RPS3: variants seen among roughly 807,000 people sequenced by gnomAD.
RPS3 encodes the protein small ribosomal subunit protein uS3.
RPS3 carries 2 observed loss-of-function variants against 25.8 expected under a neutral mutation model. The ratio of observed to expected loss-of-function variants is 0.08; its 90% confidence interval spans 0.03 to 0.24. The LOEUF (loss-of-function observed/expected upper bound fraction) is 0.24, where lower values mean the gene tolerates loss of function less well. RPS3 is among the 10% of genes least tolerant of loss of function. The pLI is 1.00. For missense variants in RPS3, 107 were observed against 307.1 expected (o/e 0.35, Z 4.87); for synonymous variants, 114 against 114.2 (o/e 1.00, Z 0.01).
downstream of RPS3, among the ~76,000 whole-genome samples, chr11:75,409,585 C>A (rs1467208610): frequency 7.0e-6 from 1 of 142,740 alleles, no homozygotes; most frequent in East Asian, 2.1e-4. Context: ...ATGTCTACTT[C>A]TATCCACACA....
intron 6 of RPS3, 179 bp from the exon 7 acceptor site, chr11:75,405,435 G>A (rs1282677419): frequency 5.9e-6 from 2 of 340,188 alleles, no homozygotes; most frequent in Non-Finnish European, 1.1e-5. Context: ...TTTGTTTATA[G>A]GTGTTGTCTC....
chr11:75,416,458 CTATTTT>C (rs1367097031), intron 6 of RPS3, among the ~76,000 whole-genome samples: 3 of 125,976 alleles, frequency 2.4e-5, no homozygotes, highest in Non-Finnish European at 4.7e-5. Context: ...TTGATTATTT[CTATTTT>C]TTTTTTTTTT....
chr11:75,409,792 GGGGCGGCTGGCT>G (rs1215613640), downstream of RPS3, among the ~76,000 whole-genome samples: 4 of 149,822 alleles, frequency 2.7e-5, no homozygotes, highest in Non-Finnish European at 5.9e-5. Context: ...CCTCCCGGAT[GGGGCGGCTGGCT>G]GGGCGGGGGG....
Position 75,404,838 on chromosome 11 carries a change from C to A in RPS3, c.705C>A (p.Ala235=), listed in dbSNP as rs1565164715. 1.4e-5 allele frequency: 22 copies of A among 1,613,070 alleles called. No homozygotes were observed. Among genetic ancestry groups the A allele is most frequent in the Non-Finnish European group, 1.8e-5 (21 of 1,179,344 alleles). The change falls in exon 6 of 7, where the codon GCC becomes GCA. Residue 235 remains alanine, a synonymous_variant. Coordinates refer to ENST00000531188, the MANE Select transcript of RPS3 (RefSeq NM_001005.5). The surrounding 1 kb of genome is among the most constrained non-coding windows in gnomAD (Gnocchi z 4.6). ...AGGGTGGGAAGCCAGAGCCGCCTGC[C>A]ATGCCCCAGCCAGTCCCCACAGCAT... ...EQKGGKPEPP[A]MPQPVPTA
Position 75,401,630 on chromosome 11 carries a change from T to G in RPS3, c.162-10T>G. The G allele has an allele frequency of 4.4e-6, 7 of 1,582,680 alleles. No individual in the cohort carries two copies. Among genetic ancestry groups the G allele is most frequent in the Non-Finnish European group, 6.1e-6 (7 of 1,151,596 alleles). ...TGTGAGAATCTTGAATTGTCACTTTTCCCCCCCAGAACACAGAATGTTCTT... is the reference window on the plus strand; with the variant it reads ...TGTGAGAATCTTGAATTGTCACTTTGCCCCCCCAGAACACAGAATGTTCTT... On this transcript the variant is annotated splice_polypyrimidine_tract_variant and intron_variant, in intron 2 of 6. Transcript: ENST00000531188.
rs188910119 is a variant in RPS3, at chr11:75,401,193, T to C, written c.161+369T>C. Among the ~76,000 whole-genome samples the C allele has an allele frequency of 1.7e-4, 26 of 152,314 alleles. No individual in the cohort carries two copies. The East Asian group carries it at 5.0e-3, about 29-fold the overall frequency. On this transcript the variant is annotated intron_variant, in intron 2 of 6. Transcript: ENST00000531188. ...CACCGCGCCCGGCAGGTTTATCCTT[T>C]ATGAACTTAAGGGGACAGACGGAAC...
downstream of RPS3, among the ~76,000 whole-genome samples, chr11:75,409,808 C>T (rs1433923999): frequency 4.3e-5 from 6 of 138,304 alleles, no homozygotes; most frequent in East Asian, 2.2e-4. Context: ...GCTGGCTGGG[C>T]GGGGGGCTGA....
downstream of RPS3, among the ~76,000 whole-genome samples, chr11:75,407,080 C>T (rs149646945): frequency 1.3e-5 from 2 of 152,350 alleles, no homozygotes; most frequent in African/African-American, 4.8e-5. Flanking sequence ...CTTCATCTTG[C>T]AGATGTGCTG....
chr11:75,404,597 C>A lies in RPS3; in HGVS notation c.539-75C>A. On this transcript the variant is annotated intron_variant, in intron 5 of 6. Transcript: ENST00000531188. The surrounding 1 kb of genome is among the most constrained non-coding windows in gnomAD (Gnocchi z 4.6). Reference sequence around the variant, plus strand: ...GACCCAGGGGTGCTTGAGTAAACTGCTTGCTCTCTTTGGTCTTGTGTGATG... The same window carrying A: ...GACCCAGGGGTGCTTGAGTAAACTGATTGCTCTCTTTGGTCTTGTGTGATG... The A allele has an allele frequency of 6.9e-7, 1 of 1,448,866 alleles. No homozygotes were observed. Among genetic ancestry groups the A allele is most frequent in the Non-Finnish European group, 9.7e-7 (1 of 1,032,248 alleles). 89.8% of individuals were successfully genotyped at this position (1,448,866 alleles called of 1,614,324 possible).
chr11:75,400,899 T>C, intron 2 of RPS3, 75 bp downstream of exon 2: 1 of 1,500,888 alleles, frequency 6.7e-7, no homozygotes, highest in Non-Finnish European at 8.9e-7. Context: ...ATTTATTTTT[T>C]TGAGACGGAG....
Position 75,404,800 on chromosome 11 carries a change from A to G in RPS3, c.667A>G (p.Ile223Val), listed in dbSNP as rs776757218. 15 of 1,613,720 alleles carry G rather than the reference A, an allele frequency of 9.3e-6. 1 individual carries two copies. In the South Asian group the frequency reaches 1.4e-4, roughly 15 times the overall value. Residue 223 changes from isoleucine to valine, a missense_variant, in exon 6 of 7, where the codon ATC (isoleucine) becomes GTC (valine). Around this residue, in one of 2 missense-constraint regions of RPS3, gnomAD observed 81 missense variants for 286.8 expected, o/e 0.28. Coordinates refer to ENST00000531188, the MANE Select transcript of RPS3 (RefSeq NM_001005.5). This position sits in a 1 kb window ranked among gnomAD's most constrained non-coding sequence, Gnocchi z 4.6. ...AGATGAGATACTGCCCACCACCCCC[A>G]TCTCAGAACAGAAGGGTGGGAAGCC... ...PKDEILPTTP[I>V]SEQKGGKPEP...
downstream of RPS3, among the ~76,000 whole-genome samples, chr11:75,408,652 G>A (rs1268249187): frequency 6.6e-6 from 1 of 151,836 alleles, no homozygotes; most frequent in Non-Finnish European, 1.5e-5. Context: ...ATCTCAGCTC[G>A]CTGCAACCTC....
downstream of RPS3, among the ~76,000 whole-genome samples, chr11:75,409,962 C>T (rs1216805569): frequency 4.2e-5 from 6 of 143,764 alleles, no homozygotes; most frequent in Admixed American, 1.4e-4. Context: ...ACCTCCCTCC[C>T]GGACGGGGCG....
At position 75,399,554 on chromosome 11, in the gene RPS3, G is replaced by A; in HGVS notation, c.7G>A (p.Val3Met). 1 of 1,613,956 alleles carries A rather than the reference G, an allele frequency of 6.2e-7. No homozygotes were observed. Among genetic ancestry groups the A allele is most frequent in the Non-Finnish European group, 8.5e-7 (1 of 1,179,928 alleles). Reference sequence around the variant, plus strand: ...AGCGGAGCGCGGCGGCAAGATGGCAGTGCAAATATCCAAGAAGAGGAAGGT... The same window carrying A: ...AGCGGAGCGCGGCGGCAAGATGGCAATGCAAATATCCAAGAAGAGGAAGGT... MA[V>M]QISKKRKFVA... Residue 3 changes from valine (V) to methionine (M), a missense_variant, in exon 1 of 7, where the codon GTG becomes ATG. By Grantham distance (21) the Val-to-Met change is conservative. Coordinates refer to ENST00000531188, the MANE Select transcript of RPS3 (RefSeq NM_001005.5).
intron 6 of RPS3, chr11:75,405,285 C>T: frequency 5.0e-6 from 1 of 198,114 alleles, no homozygotes; most frequent in Non-Finnish European, 1.0e-5. Context: ...CCTTGTTGGC[C>T]AGGCTGGTCT....
Position 75,404,545 on chromosome 11 carries a change from T to C in RPS3, c.539-127T>C. 4 of 906,534 alleles carry C rather than the reference T, an allele frequency of 4.4e-6. No individual in the cohort carries two copies. Among genetic ancestry groups the C allele is most frequent in the South Asian group, 2.6e-5 (2 of 76,286 alleles). 56.2% of individuals were successfully genotyped at this position (906,534 alleles called of 1,614,324 possible). The stretch of plus-strand genomic sequence containing the variant: ...GAAGTGTCCTATTTATTGATCGATT[T>C]AGAGGCATTTGTCTGAGAAGGGTCC... On this transcript the variant is annotated intron_variant, in intron 5 of 6. Transcript: ENST00000531188. This position sits in a 1 kb window ranked among gnomAD's most constrained non-coding sequence, Gnocchi z 4.6.
chr11:75,411,459 G>T (rs1402636793), downstream of RPS3, among the ~76,000 whole-genome samples: 1 of 151,948 alleles, frequency 6.6e-6, no homozygotes, highest in Non-Finnish European at 1.5e-5. Flanking sequence ...GCGCAATCTC[G>T]GCTCACTGCA....
At chr11:75,414,181 T>C (rs1948378954) in intron 6 of RPS3, among the ~76,000 whole-genome samples, 1 of 152,126 alleles carries the variant, frequency 6.6e-6, no homozygotes, top group African/African-American at 2.4e-5. Flanking sequence ...TCAATGCCCC[T>C]CCCCACCAAC....
chr11:75,415,975 C>CA (rs34006322), intron 6 of RPS3, among the ~76,000 whole-genome samples: 5,268 of 54,282 alleles, frequency 0.097, 415 homozygotes, highest in African/African-American at 0.25. Context: ...GATACTCTGT[C>CA]AAAAAAAAAA....
Sources: allele counts gnomAD v4.1 joint callset (sites outside exome capture counted in the v4.1 genomes callset), GRCh38; gene constraint gnomAD v4.1.1; regional missense constraint gnomAD v4.1.1; non-coding constraint Gnocchi (gnomAD v3.1); transcripts MANE v1.5; gene names NCBI Gene and HGNC (gene_info 2026-07-23, HGNC 2026-07-21).